The following PATL2 variants were observed in gnomAD, a reference collection of about 807,000 sequenced individuals.
PATL2 encodes the protein protein PAT1 homolog 2.
PATL2 carries 73 observed loss-of-function variants against 77.0 expected under a neutral mutation model. The observed-to-expected ratio is 0.95, with a 90% confidence interval of 0.78 to 1.15. The LOEUF (loss-of-function observed/expected upper bound fraction) is 1.15. Ranked by LOEUF, PATL2 falls within the 50% of genes most tolerant of loss-of-function variation. PATL2 has a pLI of 0.00. For missense variants in PATL2, 618 were observed against 655.4 expected (o/e 0.94, Z 0.62); for synonymous variants, 265 against 257.1 (o/e 1.03, Z -0.29).
intron 3 of PATL2, among the ~76,000 whole-genome samples, chr15:44,695,136 C>T (rs1331573322): frequency 1.3e-5 from 2 of 150,848 alleles, no homozygotes; most frequent in Non-Finnish European, 2.9e-5. Flanking sequence ...TGCAGTGAGC[C>T]GAAGATTGCA....
At chr15:44,709,773 T>C (rs1443523242) in intron 3 of PATL2, among the ~76,000 whole-genome samples, 1 of 152,202 alleles carries the variant, frequency 6.6e-6, no homozygotes, top group African/African-American at 2.4e-5. Context: ...TCCAAGTGAG[T>C]AAATCAGAAT....
At chr15:44,674,316 G>T in intron 5 of PATL2, 86 bp from the exon 6 acceptor site, 1 of 1,021,908 alleles carries the variant, frequency 9.8e-7, no homozygotes, top group East Asian at 2.7e-5. Context: ...GTGGTGGGAG[G>T]AAGCAGCAAG....
intron 3 of PATL2, among the ~76,000 whole-genome samples, chr15:44,696,747 G>A (rs1255565247): frequency 6.6e-6 from 1 of 151,854 alleles, no homozygotes; most frequent in East Asian, 1.9e-4. Flanking sequence ...CCCTCTTTGT[G>A]TTCTATTTTT....
chr15:44,667,938 C>G (rs142748780), intron 15 of PATL2, among the ~76,000 whole-genome samples: 1,915 of 151,948 alleles, frequency 0.013, 51 homozygotes, highest in African/African-American at 0.044. Flanking sequence ...GCGAGACTAT[C>G]TAAAAAATAA....
chr15:44,672,051 C>G lies in PATL2; in HGVS notation c.621G>C (p.Gln207His). ...AGTCATCCAGGCGGGGTTTTGCACT[C>G]TGCAGCTGCACCATCTGCACTTTTA... Reference protein sequence around the residue: ...WVIKVQMVQLQSAKPRLDDYY... With the variant: ...WVIKVQMVQLHSAKPRLDDYY... The change falls in exon 9 of 18, where the codon CAG (glutamine) becomes CAC (histidine). Residue 207 changes from glutamine to histidine, a missense_variant. Gln to His is a conservative substitution (Grantham distance 24). Transcript: ENST00000682850. 2 of 1,551,750 alleles carry G rather than the reference C, an allele frequency of 1.3e-6. No homozygotes were observed. The highest frequency in any genetic ancestry group is 1.7e-6 in the Non-Finnish European group (2 of 1,147,008).
chr15:44,706,286 C>T (rs1253899120), intron 3 of PATL2, among the ~76,000 whole-genome samples: 1 of 152,086 alleles, frequency 6.6e-6, no homozygotes, highest in African/African-American at 2.4e-5. Flanking sequence ...TGTATCTGTC[C>T]TTCTTGGGAA....
intron 3 of PATL2, among the ~76,000 whole-genome samples, chr15:44,704,640 C>T (rs1244919192): frequency 6.6e-6 from 1 of 152,218 alleles, no homozygotes; most frequent in Non-Finnish European, 1.5e-5. Flanking sequence ...GAGTAGTTTA[C>T]ATACCATGAT....
intron 3 of PATL2, among the ~76,000 whole-genome samples, chr15:44,679,881 C>T (rs2086093953): frequency 6.6e-6 from 1 of 152,140 alleles, no homozygotes; most frequent in Admixed American, 6.5e-5. Context: ...TATAGTGAAA[C>T]CACAAGTAAT....
chr15:44,671,432 T>C lies in PATL2; in HGVS notation c.657+583A>G, dbSNP rs147998010. ...TGAACCCTGGAGGTGGAGGTGGCAG[T>C]GAGCTGAGATGGTGCCACTGCACTT... On this transcript the variant is annotated intron_variant, in intron 9 of 17. Coordinates refer to ENST00000682850, the MANE Select transcript of PATL2 (RefSeq NM_001387263.1). Among the ~76,000 whole-genome samples, 588 of 151,048 alleles carry C rather than the reference T, an allele frequency of 3.9e-3. 18 individuals carry two copies. The highest frequency in any genetic ancestry group is 0.037 in the South Asian group (176 of 4,798).
At chr15:44,667,337 G>C (rs1413455533) in intron 15 of PATL2, 134 bp from the exon 16 acceptor site, 2 of 679,366 alleles carry the variant, frequency 2.9e-6, no homozygotes, top group East Asian at 5.5e-5. Flanking sequence ...CACAAGTGCT[G>C]TCAGGTTTTA....
chr15:44,670,101 G>A lies in PATL2; in HGVS notation c.658-14C>T. 6.4e-7 allele frequency: 1 copy of A among 1,550,708 alleles called. No homozygotes were observed. Among genetic ancestry groups the A allele is most frequent in the Non-Finnish European group, 8.7e-7 (1 of 1,146,768 alleles). On this transcript the variant is annotated splice_polypyrimidine_tract_variant and intron_variant, in intron 9 of 17. Transcript: ENST00000682850. ...CTGGTAATATTCCTGAGAATGCACG[G>A]AATAGGAAACAAAAAAACAAAACAC...
intron 16 of PATL2, 111 bp downstream of exon 16, chr15:44,666,995 T>A (rs886214087): frequency 2.4e-6 from 2 of 841,286 alleles, no homozygotes; most frequent in African/African-American, 3.4e-5. Flanking sequence ...CTACTTTCTC[T>A]ATCCAACCTC....
intron 14 of PATL2, 66 bp downstream of exon 14, chr15:44,668,914 G>A: frequency 6.9e-7 from 1 of 1,440,852 alleles, no homozygotes; most frequent in Middle Eastern, 1.8e-4. Context: ...TGTGGGGACT[G>A]GAGGGGAGGA....
At chr15:44,706,428 G>A (rs1234658232) in intron 3 of PATL2, among the ~76,000 whole-genome samples, 1 of 152,068 alleles carries the variant, frequency 6.6e-6, no homozygotes, top group South Asian at 2.1e-4. Context: ...TATCTTTTTT[G>A]ATTTGAGGTT....
chr15:44,666,617 C>G, intron 16 of PATL2, 76 bp from the exon 17 acceptor site: 2 of 1,379,584 alleles, frequency 1.4e-6, no homozygotes, highest in Non-Finnish European at 9.6e-7. Flanking sequence ...TTCTTATTAT[C>G]TTTCCGTTAC....
Position 44,695,865 on chromosome 15 carries a change from C to A in PATL2, c.-76+14231G>T, listed in dbSNP as rs569449289. On this transcript the variant is annotated intron_variant, in intron 3 of 17. Transcript: ENST00000682850. ...TTACCAAATAATTCTTCCTGGTTTCCTCACAGTTGTTTTAGGGGAAGAGTT... is the reference window on the plus strand; with the variant it reads ...TTACCAAATAATTCTTCCTGGTTTCATCACAGTTGTTTTAGGGGAAGAGTT... Among the ~76,000 whole-genome samples the A allele has an allele frequency of 4.6e-5, 7 of 152,010 alleles. No individual in the cohort carries two copies. In the South Asian group the frequency reaches 1.5e-3, roughly 32 times the overall value.
chr15:44,675,740 T>G (rs1360852704), intron 4 of PATL2, 49 bp from the exon 5 acceptor site: 6 of 1,475,488 alleles, frequency 4.1e-6, no homozygotes, highest in Non-Finnish European at 5.5e-6. Context: ...GGCTCAGCTG[T>G]GAGTCTTGTC....
At chr15:44,668,503 A>T in intron 14 of PATL2, 21 bp from the exon 15 acceptor site, 2 of 1,545,938 alleles carry the variant, frequency 1.3e-6, no homozygotes, top group Non-Finnish European at 1.7e-6. Context: ...ATCAGTAAGC[A>T]CCTCCCAAAT....
chr15:44,684,751 A>G (rs952498110), intron 3 of PATL2, among the ~76,000 whole-genome samples: 1 of 152,208 alleles, frequency 6.6e-6, no homozygotes, highest in African/African-American at 2.4e-5. Context: ...GGAGAACACC[A>G]CGAAGATATT....
Sources: allele counts gnomAD v4.1 joint callset (sites outside exome capture counted in the v4.1 genomes callset), GRCh38; gene constraint gnomAD v4.1.1; transcripts MANE v1.5; gene names NCBI Gene and HGNC (gene_info 2026-07-23, HGNC 2026-07-21).